NRG1: variants seen among roughly 807,000 people sequenced by gnomAD.
The protein encoded by NRG1 is neuregulin 1.
A neutral mutation model predicts 63.8 loss-of-function variants in NRG1; 18 were observed. That is an observed-to-expected ratio of 0.28 (90% CI 0.19 to 0.42). The LOEUF is 0.42. Ranked by LOEUF, NRG1 falls within the 10% of genes least tolerant of loss-of-function variation. The pLI is 1.00. For synonymous variants in NRG1, 302 were observed against 301.3 expected (o/e 1.00, Z -0.02); for missense variants, 762 against 814.7 (o/e 0.94, Z 0.79).
chr8:32,705,336 T>G (rs1379198650), intron 5 of NRG1, among the ~76,000 whole-genome samples: 1 of 152,128 alleles, frequency 6.6e-6, no homozygotes, highest in Non-Finnish European at 1.5e-5. Context: ...TTTCACCATG[T>G]TAGCCAGGAT....
chr8:31,707,430 C>T (rs1811257310), intron 1 of NRG1, among the ~76,000 whole-genome samples: 1 of 152,066 alleles, frequency 6.6e-6, no homozygotes, highest in Non-Finnish European at 1.5e-5. Context: ...CCTTTAATAA[C>T]TGAAATTGCT....
chr8:31,980,551 C>A (rs905242035), intron 1 of NRG1, among the ~76,000 whole-genome samples: 5 of 151,974 alleles, frequency 3.3e-5, no homozygotes, highest in African/African-American at 9.7e-5. Context: ...ATATCTGCAA[C>A]CAAAGTAAAG....
At chr8:32,613,120 A>T (rs556714734) in intron 3 of NRG1, among the ~76,000 whole-genome samples, 2 of 152,116 alleles carry the variant, frequency 1.3e-5, no homozygotes, top group Non-Finnish European at 2.9e-5. Flanking sequence ...GTACCCTCAC[A>T]TACTAATTCC....
rs1248827085 is a variant in NRG1, at chr8:32,246,426, T to C, written c.38-349402T>C. Among the ~76,000 whole-genome samples, 5 of 152,252 alleles carry C rather than the reference T, an allele frequency of 3.3e-5. No individual in the cohort carries two copies. The East Asian group carries it at 7.7e-4, about 24-fold the overall frequency. On this transcript the variant is annotated intron_variant, in intron 1 of 10. Coordinates refer to the NRG1 transcript ENST00000519301. Reference sequence around the variant, plus strand: ...CAAACAGGGCTCTGGAAATCCTGACTCAGTCTGCTGGTATGGTCTCAAGGT... The same window carrying C: ...CAAACAGGGCTCTGGAAATCCTGACCCAGTCTGCTGGTATGGTCTCAAGGT...
chr8:32,749,815 A>AAAG (rs1828316049), intron 7 of NRG1: 1 of 571,048 alleles, frequency 1.8e-6, no homozygotes, highest in Non-Finnish European at 3.1e-6. Flanking sequence ...TTAGAGTTTA[A>AAAG]AAGTACCCTA....
chr8:31,805,750 C>T (rs1402929968), intron 1 of NRG1, among the ~76,000 whole-genome samples: 2 of 150,954 alleles, frequency 1.3e-5, no homozygotes, highest in African/African-American at 4.9e-5. Flanking sequence ...ATGGCATGAA[C>T]CCTGGAGGCG....
chr8:32,416,763 C>G (rs1815976175), intron 1 of NRG1, among the ~76,000 whole-genome samples: 1 of 152,184 alleles, frequency 6.6e-6, no homozygotes, highest in Admixed American at 6.5e-5. Flanking sequence ...TCTCAGCTCA[C>G]TGCAGCCTCA....
chr8:32,422,930 C>T (rs546405113), intron 1 of NRG1, among the ~76,000 whole-genome samples: 1 of 152,324 alleles, frequency 6.6e-6, no homozygotes, highest in South Asian at 2.1e-4. Context: ...AGAAGCCAAA[C>T]TTTCACATGG....
chr8:32,087,497 T>C (rs2131226584), intron 1 of NRG1, among the ~76,000 whole-genome samples: 1 of 143,380 alleles, frequency 7.0e-6, no homozygotes, highest in Non-Finnish European at 1.5e-5. Context: ...TTTTTTTTTT[T>C]TTGAGATGGA....
intron 1 of NRG1, among the ~76,000 whole-genome samples, chr8:31,848,558 G>A (rs757558386): frequency 3.1e-4 from 47 of 152,174 alleles, no homozygotes; most frequent in Non-Finnish European, 5.7e-4. Context: ...CACGCAGCAG[G>A]AGGCGAGCTG....
At chr8:32,670,379 G>T (rs1805319599) in intron 5 of NRG1, among the ~76,000 whole-genome samples, 1 of 152,006 alleles carries the variant, frequency 6.6e-6, no homozygotes. Flanking sequence ...CTTTTCCCTG[G>T]CTGCCTTTCT....
chr8:32,157,180 G>A (rs1467771046), intron 1 of NRG1, among the ~76,000 whole-genome samples: 1 of 150,426 alleles, frequency 6.6e-6, no homozygotes, highest in Non-Finnish European at 1.5e-5. Context: ...AGACCAGCTG[G>A]CCAACATGGT....
At chr8:32,006,663 T>TGA (rs1241167336) in intron 1 of NRG1, among the ~76,000 whole-genome samples, 1 of 151,966 alleles carries the variant, frequency 6.6e-6, no homozygotes, top group African/African-American at 2.4e-5. Flanking sequence ...CATGGGTTGC[T>TGA]GAGAGAGAGA....
chr8:32,244,696 C>A (rs1848441166), intron 1 of NRG1, among the ~76,000 whole-genome samples: 1 of 152,128 alleles, frequency 6.6e-6, no homozygotes, highest in Non-Finnish European at 1.5e-5. Context: ...TAGAGGTGAT[C>A]ATCAGAAACC....
At chr8:32,124,197 A>G (rs989539688) in intron 1 of NRG1, among the ~76,000 whole-genome samples, 1 of 151,936 alleles carries the variant, frequency 6.6e-6, no homozygotes, top group Non-Finnish European at 1.5e-5. Flanking sequence ...TTCCTTCATT[A>G]CTTTTCCTCC....
chr8:32,295,278 T>C (rs1854706946), intron 1 of NRG1, among the ~76,000 whole-genome samples: 1 of 152,166 alleles, frequency 6.6e-6, no homozygotes, highest in Non-Finnish European at 1.5e-5. Flanking sequence ...AATATGCATG[T>C]CAGAATAAAG....
At chr8:32,197,386 G>C (rs1843065978) in intron 1 of NRG1, among the ~76,000 whole-genome samples, 1 of 152,110 alleles carries the variant, frequency 6.6e-6, no homozygotes, top group African/African-American at 2.4e-5. Context: ...GGTGGCCTTG[G>C]CTCATCACCT....
chr8:32,728,138 A>G (rs1482451980), intron 6 of NRG1, 60 bp downstream of exon 6: 109 of 1,594,730 alleles, frequency 6.8e-5, no homozygotes, highest in Non-Finnish European at 8.8e-5. Flanking sequence ...AGATGATTCT[A>G]TGTCTCATGA....
intron 1 of NRG1, among the ~76,000 whole-genome samples, chr8:31,655,336 G>A (rs1447618605): frequency 6.6e-6 from 1 of 152,128 alleles, no homozygotes. Flanking sequence ...AGCCTCATGA[G>A]GGAAAAGTAC....
Sources: allele counts gnomAD v4.1 joint callset (sites outside exome capture counted in the v4.1 genomes callset), GRCh38; gene constraint gnomAD v4.1.1; transcripts MANE v1.5; gene names NCBI Gene and HGNC (gene_info 2026-07-23, HGNC 2026-07-21).